ANO3: variants seen among roughly 807,000 people sequenced by gnomAD.
The protein encoded by ANO3 is anoctamin 3.
In ANO3, 99 loss-of-function variants were observed where a neutral mutation model predicts 144.8. The ratio of observed to expected loss-of-function variants is 0.68; its 90% CI spans 0.58 to 0.81. ANO3 has a LOEUF of 0.81. Ranked by LOEUF, ANO3 falls within the 30% of genes least tolerant of loss-of-function variation. ANO3 has a pLI of 0.00. For missense variants in ANO3, 905 were observed against 1,202.2 expected, an observed-to-expected ratio of 0.75 and a Z score of 3.66; for synonymous variants, 414 against 392.6, an observed-to-expected ratio of 1.05 and a Z score of -0.64.
chr11:26,432,886 T>C (rs1858167200), intron 1 of ANO3, among the ~76,000 whole-genome samples: 1 of 152,192 alleles, frequency 6.6e-6, no homozygotes, highest in Non-Finnish European at 1.5e-5. Context: ...CTATTTGGGC[T>C]CTTTTTTGGT....
intron 1 of ANO3, among the ~76,000 whole-genome samples, chr11:26,341,356 A>G (rs1590275162): frequency 1.3e-5 from 2 of 152,324 alleles, no homozygotes; most frequent in African/African-American, 4.8e-5. Context: ...GAAATAAAAG[A>G]TATTATGTCA....
rs899860703 is a variant in ANO3 at position 26,332,251 on chromosome 11, G to A, written c.-25G>A. On this transcript the variant is annotated 5_prime_UTR_variant, in exon 1 of 27. Coordinates refer to ENST00000256737, the MANE Select transcript of ANO3 (RefSeq NM_031418.4). ...GCCTCCCTCTCGGGCAGCTCCCTAA[G>A]CCGGCTGGGACGCGCAGAGTGAAAA... is the stretch of plus-strand genomic sequence containing the variant. The A allele has an allele frequency of 5.6e-6, 9 of 1,614,034 alleles. No individual in the cohort carries two copies. Among genetic ancestry groups the A allele is most frequent in the Non-Finnish European group, 7.6e-6 (9 of 1,180,008 alleles).
At chr11:26,362,805 G>A (rs7121885) in intron 1 of ANO3, among the ~76,000 whole-genome samples, 122,788 of 152,108 alleles carry the variant, frequency 0.81, 49,755 homozygotes, top group East Asian at 0.98. Context: ...TACCATGAGG[G>A]AAGGTGTCAT....
chr11:26,217,417 C>T (rs1489120546), intron 1 of ANO3, among the ~76,000 whole-genome samples: 1 of 146,150 alleles, frequency 6.8e-6, no homozygotes, highest in Non-Finnish European at 1.5e-5. Context: ...GTCTTGGCAA[C>T]TGGTTGAGGT....
chr11:26,394,903 A>T (rs537054286), intron 1 of ANO3, among the ~76,000 whole-genome samples: 3 of 152,124 alleles, frequency 2.0e-5, no homozygotes, highest in African/African-American at 4.8e-5. Flanking sequence ...ATTGATTTCT[A>T]TAGATTTTCA....
intron 1 of ANO3, among the ~76,000 whole-genome samples, chr11:26,376,336 TA>T (rs1005327751): frequency 2.0e-5 from 3 of 151,756 alleles, no homozygotes; most frequent in African/African-American, 4.8e-5. Context: ...ATTAAACACT[TA>T]AAAAAAAGAC....
At chr11:26,490,188 G>A (rs1204857863) in intron 4 of ANO3, among the ~76,000 whole-genome samples, 6 of 152,150 alleles carry the variant, frequency 3.9e-5, no homozygotes, top group Non-Finnish European at 5.9e-5. Flanking sequence ...AATAAGTCTC[G>A]TGAGATCTGA....
At chr11:26,529,591 G>GGC (rs1240882401) in intron 7 of ANO3, among the ~76,000 whole-genome samples, 2 of 146,194 alleles carry the variant, frequency 1.4e-5, no homozygotes, top group African/African-American at 5.1e-5. Flanking sequence ...AAGAAATATT[G>GGC]AGGTGTGTTA....
At chr11:26,529,972 C>A (rs1849322543) in intron 7 of ANO3, among the ~76,000 whole-genome samples, 1 of 152,150 alleles carries the variant, frequency 6.6e-6, no homozygotes, top group East Asian at 1.9e-4. Context: ...AAAGTATAGT[C>A]AGTGGTTAGC....
intron 14 of ANO3, among the ~76,000 whole-genome samples, chr11:26,583,924 C>T (rs191694159): frequency 6.6e-6 from 1 of 152,214 alleles, no homozygotes; most frequent in East Asian, 1.9e-4. Context: ...GAAAACAATG[C>T]TTGGAGTTCC....
chr11:26,625,740 T>G (rs1261832437), intron 18 of ANO3, among the ~76,000 whole-genome samples: 1 of 152,136 alleles, frequency 6.6e-6, no homozygotes, highest in East Asian at 1.9e-4. Flanking sequence ...TCAAGCTGTC[T>G]CCTCCAAACT....
intron 1 of ANO3, among the ~76,000 whole-genome samples, chr11:26,272,489 A>G (rs1402143611): frequency 1.3e-5 from 2 of 152,204 alleles, no homozygotes; most frequent in African/African-American, 2.4e-5. Flanking sequence ...TAAGAAAGAC[A>G]TACCTATAGA....
intron 3 of ANO3, among the ~76,000 whole-genome samples, chr11:26,452,086 T>C (rs1402554220): frequency 6.6e-6 from 1 of 152,000 alleles, no homozygotes; most frequent in East Asian, 1.9e-4. Flanking sequence ...CATCTGTACA[T>C]CACCATCATC....
intron 4 of ANO3, among the ~76,000 whole-genome samples, chr11:26,486,068 T>A (rs924843250): frequency 2.0e-5 from 3 of 151,584 alleles, no homozygotes; most frequent in Non-Finnish European, 2.9e-5. Flanking sequence ...TTTATTTATT[T>A]AAAAAAAAAT....
chr11:26,357,491 A>G (rs1220215375), intron 1 of ANO3, among the ~76,000 whole-genome samples: 1 of 151,712 alleles, frequency 6.6e-6, no homozygotes, highest in Non-Finnish European at 1.5e-5. Context: ...ACATCCATAC[A>G]TCATCCTTCA....
At chr11:26,340,731 G>C (rs1001443412) in intron 1 of ANO3, among the ~76,000 whole-genome samples, 7 of 152,186 alleles carry the variant, frequency 4.6e-5, no homozygotes, top group Admixed American at 2.0e-4. Flanking sequence ...ATAGATTCTA[G>C]ATATACTTAG....
At chr11:26,485,306 G>A (rs553738840) in intron 4 of ANO3, among the ~76,000 whole-genome samples, 1 of 152,142 alleles carries the variant, frequency 6.6e-6, no homozygotes, top group Admixed American at 6.5e-5. Context: ...AATGGATCGT[G>A]GGGCAGACTT....
intron 4 of ANO3, among the ~76,000 whole-genome samples, chr11:26,467,124 A>C (rs182203137): frequency 0.013 from 2,041 of 152,130 alleles, 15 homozygotes; most frequent in Non-Finnish European, 0.02. Flanking sequence ...TATAGTTAAC[A>C]GCAGTCACAA....
chr11:26,535,298 A>G (rs1224067506), intron 9 of ANO3, among the ~76,000 whole-genome samples: 1 of 152,248 alleles, frequency 6.6e-6, no homozygotes, highest in Non-Finnish European at 1.5e-5. Flanking sequence ...TACAACATGT[A>G]TAATACAAAA....
Sources: allele counts gnomAD v4.1 joint callset (sites outside exome capture counted in the v4.1 genomes callset), GRCh38; gene constraint gnomAD v4.1.1; transcripts MANE v1.5; gene names NCBI Gene and HGNC (gene_info 2026-07-23, HGNC 2026-07-21).